Variants in CTNNA3 observed in about 807,000 individuals in gnomAD.
CTNNA3 encodes catenin alpha 3.
CTNNA3 carries 76 observed loss-of-function variants against 95.7 expected under a neutral mutation model. That is an observed-to-expected ratio of 0.79 (90% CI 0.66 to 0.96). CTNNA3 has a LOEUF of 0.96. Among genes scored for constraint, CTNNA3 ranks in the 40% least tolerant of loss-of-function variants. CTNNA3 has a pLI of 0.00. For missense variants in CTNNA3, 1,191 were observed against 1,089.8 expected (o/e 1.09, Z -1.31); for synonymous variants, 431 against 374.4 (o/e 1.15, Z -1.74).
intron 7 of CTNNA3, among the ~76,000 whole-genome samples, chr10:67,145,928 A>G (rs1189411303): frequency 6.6e-6 from 1 of 152,178 alleles, no homozygotes; most frequent in East Asian, 1.9e-4. Context: ...GAAGGTTAGG[A>G]AAAATGCCAC....
Position 66,822,683 on chromosome 10 carries a change from A to G in CTNNA3, c.1048-47159T>C, listed in dbSNP as rs1002612437. 6.6e-5 allele frequency among the ~76,000 whole-genome samples: 10 copies of G among 152,214 alleles called. No homozygotes were observed. In the East Asian group the frequency reaches 1.9e-3, roughly 29 times the overall value. Reference sequence around the variant, plus strand: ...CACTATTTTTAACGAAAGGGCACAGATCCTATTAAAGAAAGTTACTGCTTT... The same window carrying G: ...CACTATTTTTAACGAAAGGGCACAGGTCCTATTAAAGAAAGTTACTGCTTT... On this transcript the variant is annotated intron_variant, in intron 7 of 17. Transcript: ENST00000433211.
At chr10:66,730,055 G>A (rs1024506514) in intron 9 of CTNNA3, among the ~76,000 whole-genome samples, 8 of 149,620 alleles carry the variant, frequency 5.3e-5, no homozygotes, top group East Asian at 2.0e-4. Context: ...GCAGTAAGCC[G>A]AGATTGTGCC....
At chr10:67,740,234 G>A (rs2133639997) in intron 1 of CTNNA3, among the ~76,000 whole-genome samples, 1 of 152,230 alleles carries the variant, frequency 6.6e-6, no homozygotes, top group African/African-American at 2.4e-5. Context: ...TTACCATTCA[G>A]GACATAGGCA....
At chr10:67,486,759 A>C (rs1433635882) in intron 5 of CTNNA3, among the ~76,000 whole-genome samples, 1 of 152,198 alleles carries the variant, frequency 6.6e-6, no homozygotes, top group African/African-American at 2.4e-5. Context: ...ATTTGTGGAA[A>C]TAGATAATAG....
intron 7 of CTNNA3, among the ~76,000 whole-genome samples, chr10:66,878,269 A>G (rs1336620821): frequency 3.3e-5 from 5 of 152,130 alleles, no homozygotes; most frequent in African/African-American, 1.2e-4. Context: ...TTAGAATACA[A>G]TAGAGTTCTA....
At chr10:66,293,787 TC>T (rs2091730365) in intron 12 of CTNNA3, among the ~76,000 whole-genome samples, 1 of 151,582 alleles carries the variant, frequency 6.6e-6, no homozygotes, top group East Asian at 1.9e-4. Context: ...TGCGTCAGCC[TC>T]CCGAGTAGCT....
At chr10:67,763,037 C>T (rs1286696626) in intron 1 of CTNNA3, among the ~76,000 whole-genome samples, 1 of 152,138 alleles carries the variant, frequency 6.6e-6, no homozygotes, top group African/African-American at 2.4e-5. Flanking sequence ...AAAGCCCTTC[C>T]TTCTTTAACT....
At chr10:67,485,232 C>T (rs553548498) in intron 5 of CTNNA3, among the ~76,000 whole-genome samples, 23 of 152,264 alleles carry the variant, frequency 1.5e-4, no homozygotes, top group Admixed American at 7.2e-4. Flanking sequence ...AAACCAAATA[C>T]CACACGTTCT....
chr10:66,445,741 C>T lies in CTNNA3; in HGVS notation c.1532-66389G>A, dbSNP rs1052132453. On this transcript the variant is annotated intron_variant, in intron 11 of 17. Coordinates refer to ENST00000433211, the MANE Select transcript of CTNNA3 (RefSeq NM_013266.4). ...AAGCAGGAAAGATCCAAAATTGACA[C>T]CCTAACATCACAATTAAAAGAACTA... Among the ~76,000 whole-genome samples the T allele has an allele frequency of 7.9e-5, 12 of 151,568 alleles. No individual in the cohort carries two copies. In the East Asian group the frequency reaches 2.1e-3, roughly 27 times the overall value.
intron 2 of CTNNA3, among the ~76,000 whole-genome samples, chr10:67,644,794 G>A (rs867652554): frequency 6.8e-6 from 1 of 147,604 alleles, no homozygotes; most frequent in African/African-American, 2.6e-5. Context: ...CTTGAGTATT[G>A]CTAAGACCAT....
At chr10:66,094,114 A>G (rs1198855670) in intron 14 of CTNNA3, among the ~76,000 whole-genome samples, 3 of 152,108 alleles carry the variant, frequency 2.0e-5, no homozygotes, top group African/African-American at 7.2e-5. Context: ...GTATCAGAGA[A>G]GGCTGGGCTA....
intron 16 of CTNNA3, among the ~76,000 whole-genome samples, chr10:65,970,744 G>A (rs2078079201): frequency 6.8e-6 from 1 of 148,052 alleles, no homozygotes; most frequent in Non-Finnish European, 1.5e-5. Context: ...AGATAAAAAA[G>A]ACTTTAAACC....
intron 15 of CTNNA3, among the ~76,000 whole-genome samples, chr10:66,061,443 A>C (rs542743934): frequency 3.9e-4 from 60 of 152,188 alleles, no homozygotes; most frequent in African/African-American, 1.3e-3. Flanking sequence ...TGAGTCTCCA[A>C]CTGTGGCCGG....
At chr10:66,815,474 G>A (rs1842039530) in intron 7 of CTNNA3, among the ~76,000 whole-genome samples, 1 of 152,094 alleles carries the variant, frequency 6.6e-6, no homozygotes, top group Admixed American at 6.6e-5. Context: ...TGACTTGTCT[G>A]GTGGTTCTTG....
At chr10:67,248,819 G>A (rs953845128) in intron 5 of CTNNA3, among the ~76,000 whole-genome samples, 10 of 152,158 alleles carry the variant, frequency 6.6e-5, no homozygotes, top group Admixed American at 1.3e-4. Context: ...GACCATTTAT[G>A]CCTGTCTCAA....
At chr10:67,712,093 A>T (rs573116722) in intron 1 of CTNNA3, among the ~76,000 whole-genome samples, 1 of 152,270 alleles carries the variant, frequency 6.6e-6, no homozygotes, top group East Asian at 1.9e-4. Context: ...ACGTATGTTT[A>T]TTGCAGCATT....
At chr10:67,709,829 G>A (rs1409573782) in intron 1 of CTNNA3, among the ~76,000 whole-genome samples, 2 of 152,164 alleles carry the variant, frequency 1.3e-5, no homozygotes, top group African/African-American at 4.8e-5. Flanking sequence ...TGTATTGAGA[G>A]TTGAGCACAA....
At chr10:67,008,502 T>C (rs903190896) in intron 7 of CTNNA3, among the ~76,000 whole-genome samples, 2 of 152,188 alleles carry the variant, frequency 1.3e-5, no homozygotes, top group Non-Finnish European at 2.9e-5. Context: ...TATTCAATTT[T>C]TTTTTACTTA....
At chr10:67,689,461 G>A (rs937808961) in intron 1 of CTNNA3, among the ~76,000 whole-genome samples, 2 of 152,124 alleles carry the variant, frequency 1.3e-5, no homozygotes, top group East Asian at 3.9e-4. Context: ...AACTAGAAAA[G>A]CACCAGAGAC....
Sources: allele counts gnomAD v4.1 joint callset (sites outside exome capture counted in the v4.1 genomes callset), GRCh38; gene constraint gnomAD v4.1.1; transcripts MANE v1.5; gene names NCBI Gene and HGNC (gene_info 2026-07-23, HGNC 2026-07-21).